The following RRAGD variants were observed in gnomAD, a reference collection of about 807,000 sequenced individuals.
The protein encoded by RRAGD is Ras related GTP binding D.
In RRAGD, 12 loss-of-function variants were observed where a neutral mutation model predicts 35.5. That is an observed-to-expected ratio of 0.34 (90% confidence interval 0.22 to 0.55). The LOEUF (loss-of-function observed/expected upper bound fraction) is 0.55. Among genes scored for constraint, RRAGD ranks in the 20% least tolerant of loss-of-function variants. The pLI, the probability that RRAGD is intolerant of heterozygous loss-of-function variation, is 0.91. For synonymous variants in RRAGD, 155 were observed against 178.9 expected, an observed-to-expected ratio of 0.87 and a Z score of 1.07; for missense variants, 324 against 490.1, an observed-to-expected ratio of 0.66 and a Z score of 3.20.
chr6:89,408,868 G>A (rs1769641140), intron 1 of RRAGD, among the ~76,000 whole-genome samples: 1 of 152,034 alleles, frequency 6.6e-6, no homozygotes, highest in African/African-American at 2.4e-5. Context: ...ATTATTTTTG[G>A]TGCAATTGTT....
chr6:89,374,999 A>G (rs757343747), intron 5 of RRAGD, among the ~76,000 whole-genome samples: 1 of 152,234 alleles, frequency 6.6e-6, no homozygotes, highest in African/African-American at 2.4e-5. Flanking sequence ...AATAGCATTT[A>G]AAATTTCCAA....
intron 6 of RRAGD, among the ~76,000 whole-genome samples, chr6:89,370,450 C>T (rs1768835827): frequency 6.6e-6 from 1 of 152,178 alleles, no homozygotes; most frequent in Non-Finnish European, 1.5e-5. Flanking sequence ...GATAAGAACA[C>T]AGCAAAATAA....
Position 89,412,157 on chromosome 6 carries a change from G to T in RRAGD, c.-164C>A. On this transcript the variant is annotated 5_prime_UTR_variant, in exon 1 of 7. In the 5' UTR this introduces an upstream ATG that the reference lacks. Transcript: ENST00000369415. The surrounding 1 kb of genome is among the most constrained non-coding windows in gnomAD (Gnocchi z 4.2). ...CGCGTCCCCCGGCGGGCGGCGCCCA[G>T]GTCCGGGTCCCGCGGTTCCCAGCGC... 1 of 559,476 alleles carries T rather than the reference G, an allele frequency of 1.8e-6. No homozygotes were observed. Among genetic ancestry groups the T allele is most frequent in the Non-Finnish European group, 2.6e-6 (1 of 379,874 alleles). 34.7% of individuals were successfully genotyped at this position (559,476 alleles called of 1,614,324 possible). A position where few individuals can be genotyped will look rare whatever the true frequency, so the allele number is the denominator to read the frequency against.
At chr6:89,408,685 G>A (rs949875969) in intron 1 of RRAGD, among the ~76,000 whole-genome samples, 4 of 152,144 alleles carry the variant, frequency 2.6e-5, no homozygotes, top group African/African-American at 9.7e-5. Context: ...CTGGACTGTG[G>A]GTGAGCAGCT....
intron 4 of RRAGD, among the ~76,000 whole-genome samples, chr6:89,378,854 C>T (rs948530785): frequency 2.0e-5 from 3 of 149,820 alleles, no homozygotes; most frequent in Non-Finnish European, 2.9e-5. Flanking sequence ...AACTCCTGGG[C>T]TCAAGTAAGT....
chr6:89,393,721 T>C (rs1769280100), intron 1 of RRAGD, among the ~76,000 whole-genome samples: 1 of 152,052 alleles, frequency 6.6e-6, no homozygotes, highest in Non-Finnish European at 1.5e-5. Flanking sequence ...CAACATAGAC[T>C]CAACAAATGT....
At chr6:89,391,447 A>G (rs573676764) in intron 1 of RRAGD, among the ~76,000 whole-genome samples, 2 of 152,308 alleles carry the variant, frequency 1.3e-5, no homozygotes, top group Admixed American at 6.5e-5. Flanking sequence ...GTACCAATTC[A>G]TGCTACAATA....
At chr6:89,380,420 C>G in intron 2 of RRAGD, 53 bp from the exon 3 acceptor site, 1 of 1,481,416 alleles carries the variant, frequency 6.8e-7, no homozygotes, top group Non-Finnish European at 9.3e-7. Flanking sequence ...TCCTGAGCCT[C>G]CCACACACAC....
At chr6:89,392,928 C>T (rs549075934) in intron 1 of RRAGD, among the ~76,000 whole-genome samples, 45 of 152,326 alleles carry the variant, frequency 3.0e-4, no homozygotes, top group Non-Finnish European at 5.9e-4. Context: ...TGATGACATA[C>T]AGTATAGGCA....
In RRAGD at chr6:89,372,459, T is replaced by C; in HGVS notation, c.1029A>G (p.Arg343=). Residue 343 remains arginine, a synonymous_variant, in exon 6 of 7, where the codon AGA becomes AGG. Coordinates refer to ENST00000369415, the MANE Select transcript of RRAGD (RefSeq NM_021244.5). The part of the protein sequence containing the change: ...TKFLALVCFV[R]EESFERKGLI... ...TACCTTTTCTTTCAAAGCTTTCCTCTCTGACAAAGCAAACGAGAGCCAGGA... is the reference window on the plus strand; with the variant it reads ...TACCTTTTCTTTCAAAGCTTTCCTCCCTGACAAAGCAAACGAGAGCCAGGA... The C allele has an allele frequency of 6.2e-7, 1 of 1,613,614 alleles. No homozygotes were observed. The highest frequency in any genetic ancestry group is 8.5e-7 in the Non-Finnish European group (1 of 1,179,832).
In RRAGD at chr6:89,389,338, G is replaced by A. The variant is rs1053791255; in HGVS notation, c.149-1748C>T. Among the ~76,000 whole-genome samples the A allele has an allele frequency of 2.0e-4, 30 of 152,136 alleles. 1 individual carries two copies. The highest frequency in any genetic ancestry group is 6.8e-3 in the Middle Eastern group (2 of 294). ...TGGGAGGCCGAGACGGGCGGATCAC[G>A]AGGTCAGCAGATCAAGACCACCCTG... On this transcript the variant is annotated intron_variant, in intron 1 of 6. Transcript: ENST00000369415.
At chr6:89,375,095 T>C (rs1768915690) in intron 5 of RRAGD, among the ~76,000 whole-genome samples, 1 of 152,076 alleles carries the variant, frequency 6.6e-6, no homozygotes, top group African/African-American at 2.4e-5. Context: ...TAATGTTAAA[T>C]GAAAAAAGCA....
At chr6:89,381,650 GC>G (rs1769045640) in intron 2 of RRAGD, among the ~76,000 whole-genome samples, 1 of 152,106 alleles carries the variant, frequency 6.6e-6, no homozygotes, top group Non-Finnish European at 1.5e-5. Flanking sequence ...ATTATAGTTT[GC>G]CTTTTTCATT....
chr6:89,368,835 G>C (rs1768803345), intron 6 of RRAGD, among the ~76,000 whole-genome samples: 1 of 152,160 alleles, frequency 6.6e-6, no homozygotes. Context: ...TGTGTTTTCA[G>C]AAATGTATCA....
intron 6 of RRAGD, among the ~76,000 whole-genome samples, chr6:89,371,948 TAAG>T (rs773398158): frequency 1.4e-4 from 21 of 152,322 alleles, no homozygotes; most frequent in Non-Finnish European, 2.6e-4. Flanking sequence ...TCTGAAGATT[TAAG>T]AAGTATTTTG....
intron 4 of RRAGD, 146 bp from the exon 5 acceptor site, chr6:89,377,959 C>CA: frequency 3.2e-6 from 2 of 631,890 alleles, no homozygotes; most frequent in Non-Finnish European, 5.3e-6. Flanking sequence ...CATTTTATTA[C>CA]AATTTAAACT....
chr6:89,409,311 C>T (rs988899283), intron 1 of RRAGD, among the ~76,000 whole-genome samples: 1 of 152,204 alleles, frequency 6.6e-6, no homozygotes, highest in African/African-American at 2.4e-5. Flanking sequence ...ATCCCACCCT[C>T]AGCCTCCCAC....
chr6:89,383,624 C>T (rs539937599), intron 2 of RRAGD, among the ~76,000 whole-genome samples: 1 of 152,222 alleles, frequency 6.6e-6, no homozygotes, highest in Non-Finnish European at 1.5e-5. Context: ...AGATATGGTG[C>T]ATTCTGTAGG....
At chr6:89,384,345 G>C (rs1264605935) in intron 2 of RRAGD, among the ~76,000 whole-genome samples, 1 of 152,060 alleles carries the variant, frequency 6.6e-6, no homozygotes, top group Non-Finnish European at 1.5e-5. Context: ...TTTTATGTGT[G>C]GTTTTTTTCT....
Sources: gnomAD v4.1 joint callset for allele counts (sites outside exome capture counted in the v4.1 genomes callset) on GRCh38, gnomAD v4.1.1 for gene constraint, Gnocchi (gnomAD v3.1) non-coding constraint, MANE v1.5 for transcripts, NCBI Gene and HGNC (gene_info 2026-07-23, HGNC 2026-07-21) for gene names.